The following NRG3 variants were observed in gnomAD, a reference collection of about 807,000 sequenced individuals.
NRG3 encodes neuregulin 3.
In NRG3, 31 loss-of-function variants were observed where a neutral mutation model predicts 66.9. That is an observed-to-expected ratio of 0.46 (90% confidence interval 0.35 to 0.63). The LOEUF (loss-of-function observed/expected upper bound fraction) is 0.63, where lower values mean the gene tolerates loss of function less well. Among genes scored for constraint, NRG3 ranks in the 20% least tolerant of loss-of-function variants. NRG3 has a pLI of 0.00. For missense variants in NRG3, 910 were observed against 878.9 expected, an observed-to-expected ratio of 1.04 and a Z score of -0.45; for synonymous variants, 393 against 359.4, an observed-to-expected ratio of 1.09 and a Z score of -1.06.
chr10:82,283,280 G>A (rs1190283069), intron 1 of NRG3, among the ~76,000 whole-genome samples: 1 of 152,190 alleles, frequency 6.6e-6, no homozygotes, highest in Non-Finnish European at 1.5e-5. Context: ...ACAATGCCAT[G>A]TAGGAGTACA....
intron 3 of NRG3, among the ~76,000 whole-genome samples, chr10:82,812,336 T>G (rs2061523502): frequency 1.3e-5 from 2 of 152,228 alleles, no homozygotes; most frequent in South Asian, 4.1e-4. Flanking sequence ...TTGTTTTGCT[T>G]TTTTGTTTTG....
intron 1 of NRG3, among the ~76,000 whole-genome samples, chr10:82,167,260 G>C (rs1169612850): frequency 6.6e-6 from 1 of 151,782 alleles, no homozygotes. Context: ...AAAATTTTTA[G>C]TTTTATTCTG....
At chr10:82,747,585 A>G (rs2058697568) in intron 3 of NRG3, among the ~76,000 whole-genome samples, 1 of 152,072 alleles carries the variant, frequency 6.6e-6, no homozygotes, top group South Asian at 2.1e-4. Context: ...TGCCAGCAAT[A>G]TTGAATCCTT....
At chr10:82,920,035 A>G (rs746471685) in intron 4 of NRG3, among the ~76,000 whole-genome samples, 12 of 152,186 alleles carry the variant, frequency 7.9e-5, no homozygotes, top group Non-Finnish European at 1.2e-4. Context: ...ACATGTAAGA[A>G]GATCAGAAGT....
At chr10:82,771,193 T>G (rs1280206342) in intron 3 of NRG3, among the ~76,000 whole-genome samples, 3 of 152,112 alleles carry the variant, frequency 2.0e-5, no homozygotes, top group Non-Finnish European at 4.4e-5. Context: ...CTTAAACAAG[T>G]TACTAATCTT....
chr10:82,854,213 A>G (rs759354505), intron 3 of NRG3, among the ~76,000 whole-genome samples: 1 of 152,240 alleles, frequency 6.6e-6, no homozygotes, highest in Non-Finnish European at 1.5e-5. Flanking sequence ...ATCATCATTC[A>G]TAGAAAAGTA....
chr10:82,490,049 A>C (rs1417024742), intron 2 of NRG3, among the ~76,000 whole-genome samples: 2 of 152,214 alleles, frequency 1.3e-5, no homozygotes, highest in Middle Eastern at 6.3e-3. Flanking sequence ...ACCAGGTTTT[A>C]CTGCCAGTCT....
At chr10:82,383,018 A>G (rs545274199) in intron 2 of NRG3, among the ~76,000 whole-genome samples, 1 of 152,076 alleles carries the variant, frequency 6.6e-6, no homozygotes, top group African/African-American at 2.4e-5. Context: ...ATTACATTAG[A>G]TATCAGTTGG....
intron 2 of NRG3, among the ~76,000 whole-genome samples, chr10:82,736,017 T>G (rs2058137227): frequency 6.6e-6 from 1 of 152,224 alleles, no homozygotes; most frequent in African/African-American, 2.4e-5. Flanking sequence ...ATGTACTTCT[T>G]AATGTTATTA....
At chr10:82,047,285 A>G (rs1255105329) in intron 1 of NRG3, among the ~76,000 whole-genome samples, 1 of 152,064 alleles carries the variant, frequency 6.6e-6, no homozygotes, top group South Asian at 2.1e-4. Context: ...AGCAACTCCA[A>G]GACACATGAT....
chr10:82,217,883 A>G (rs2075764906), intron 1 of NRG3, among the ~76,000 whole-genome samples: 1 of 152,206 alleles, frequency 6.6e-6, no homozygotes, highest in Non-Finnish European at 1.5e-5. Flanking sequence ...GTATTACTCA[A>G]AAGGCCTATC....
At chr10:82,334,152 A>AG (rs1412434133) in intron 1 of NRG3, among the ~76,000 whole-genome samples, 2 of 103,070 alleles carry the variant, frequency 1.9e-5, no homozygotes, top group African/African-American at 9.0e-5. Flanking sequence ...AAAAAAAAAA[A>AG]AAAGAAAAGA....
chr10:82,853,877 G>C (rs1463343846), intron 3 of NRG3, among the ~76,000 whole-genome samples: 1 of 152,142 alleles, frequency 6.6e-6, no homozygotes, highest in Non-Finnish European at 1.5e-5. Context: ...TCTTGTTCCA[G>C]CTCTCAGGGG....
intron 1 of NRG3, among the ~76,000 whole-genome samples, chr10:82,183,088 G>A (rs1189779879): frequency 1.3e-5 from 2 of 151,944 alleles, no homozygotes; most frequent in African/African-American, 4.8e-5. Flanking sequence ...ATATGTGTCA[G>A]TGTGGACTTC....
At chr10:82,328,942 CT>C (rs11384870) in intron 1 of NRG3, among the ~76,000 whole-genome samples, 1 of 152,108 alleles carries the variant, frequency 6.6e-6, no homozygotes, top group African/African-American at 2.4e-5. Context: ...ATTTCTAGTG[CT>C]TTTTTTATTG....
At position 82,842,774 on chromosome 10, in the gene NRG3, G is replaced by T. The variant is rs557746220; in HGVS notation, c.1028-22637G>T. On this transcript the variant is annotated intron_variant, in intron 3 of 8. Transcript: ENST00000372141. The stretch of plus-strand genomic sequence containing the variant: ...TCAATCTGTCACCCATACCAGAGTT[G>T]TAGTGGTGGTATTATATGTCGCTGC... Among the ~76,000 whole-genome samples the T allele has an allele frequency of 1.1e-3, 175 of 152,186 alleles. 1 individual carries two copies. The highest frequency in any genetic ancestry group is 4.2e-3 in the Admixed American group (64 of 15,284).
Position 82,585,214 on chromosome 10 carries a change from T to C in NRG3, c.954-153363T>C, listed in dbSNP as rs146305327. Among the ~76,000 whole-genome samples, 107 of 152,008 alleles carry C rather than the reference T, an allele frequency of 7.0e-4. 1 individual carries two copies. The highest frequency in any genetic ancestry group is 2.5e-3 in the African/African-American group (103 of 41,482). Reference sequence around the variant, plus strand: ...TACTTTTCCAAATAAGCCTTTCTAATTGAAAAAGTATTCTTCAACAAGAAT... The same window carrying C: ...TACTTTTCCAAATAAGCCTTTCTAACTGAAAAAGTATTCTTCAACAAGAAT... On this transcript the variant is annotated intron_variant, in intron 2 of 8. Coordinates refer to ENST00000372141, the MANE Select transcript of NRG3 (RefSeq NM_001010848.4).
In NRG3 at chr10:82,532,865, C is replaced by T. The variant is rs999901541; in HGVS notation, c.953+173997C>T. Among the ~76,000 whole-genome samples the T allele has an allele frequency of 5.0e-4, 75 of 151,304 alleles. 1 individual carries two copies. The highest frequency in any genetic ancestry group is 1.6e-3 in the African/African-American group (65 of 41,356). ...ACCTCCAAATTTTTTCCATTGATGC[C>T]GCACCACTTTGCATTTCCATGAACG... On this transcript the variant is annotated intron_variant, in intron 2 of 8. Transcript: ENST00000372141.
chr10:82,321,659 A>T (rs1022894740), intron 1 of NRG3, among the ~76,000 whole-genome samples: 1 of 152,192 alleles, frequency 6.6e-6, no homozygotes, highest in Non-Finnish European at 1.5e-5. Flanking sequence ...GTTGTATGTT[A>T]TAAGGAGACC....
Sources: gnomAD v4.1 joint callset for allele counts (sites outside exome capture counted in the v4.1 genomes callset) on GRCh38, gnomAD v4.1.1 for gene constraint, MANE v1.5 for transcripts, NCBI Gene and HGNC (gene_info 2026-07-23, HGNC 2026-07-21) for gene names.